The following SGIP1 variants were observed in gnomAD, a reference collection of about 807,000 sequenced individuals.
SGIP1 encodes the protein SH3-containing GRB2-like protein 3-interacting protein 1.
A neutral mutation model predicts 107.5 loss-of-function variants in SGIP1; 38 were observed. The observed-to-expected ratio is 0.35, with a 90% CI of 0.27 to 0.46. The LOEUF is 0.46. SGIP1 is among the 20% of genes least tolerant of loss of function. The pLI, the probability that SGIP1 is intolerant of heterozygous loss-of-function variation, is 1.00. For missense variants in SGIP1, 929 were observed against 1,019.5 expected (o/e 0.91, Z 1.21); for synonymous variants, 365 against 366.1 (o/e 1.00, Z 0.03).
chr1:66,682,745 C>A (rs553593078), intron 15 of SGIP1, among the ~76,000 whole-genome samples: 1 of 151,470 alleles, frequency 6.6e-6, no homozygotes, highest in South Asian at 2.1e-4. Flanking sequence ...CGGATGCCCC[C>A]ACAAGGACAC....
chr1:66,641,189 T>G (rs764405784), intron 5 of SGIP1, among the ~76,000 whole-genome samples: 2 of 151,956 alleles, frequency 1.3e-5, no homozygotes, highest in Non-Finnish European at 2.9e-5. Context: ...TTGCTAAGAG[T>G]TTAAGTGCTC....
At chr1:66,627,507 A>C (rs571517925) in intron 2 of SGIP1, among the ~76,000 whole-genome samples, 1 of 152,292 alleles carries the variant, frequency 6.6e-6, no homozygotes, top group African/African-American at 2.4e-5. Context: ...TTCCATAGGC[A>C]GTGGGCCACC....
chr1:66,547,769 C>G (rs1006671795), intron 1 of SGIP1, among the ~76,000 whole-genome samples: 1 of 151,926 alleles, frequency 6.6e-6, no homozygotes, highest in Non-Finnish European at 1.5e-5. Flanking sequence ...TCTCAGATTA[C>G]GGTAAAATCA....
chr1:66,672,080 T>C, intron 11 of SGIP1, 85 bp downstream of exon 11: 1 of 1,253,400 alleles, frequency 8.0e-7, no homozygotes, highest in Non-Finnish European at 1.2e-6. Context: ...AGCTAAACTC[T>C]CAGCTCCCAT....
chr1:66,596,323 G>A (rs1456906518), intron 1 of SGIP1, among the ~76,000 whole-genome samples: 1 of 152,150 alleles, frequency 6.6e-6, no homozygotes, highest in Non-Finnish European at 1.5e-5. Flanking sequence ...AGGGGATGCA[G>A]GGTGGGTGGG....
chr1:66,645,306 T>C (rs2077473409), intron 7 of SGIP1, among the ~76,000 whole-genome samples: 1 of 152,210 alleles, frequency 6.6e-6, no homozygotes, highest in Non-Finnish European at 1.5e-5. Flanking sequence ...ATTCCCTCTT[T>C]TGAATGGAAT....
chr1:66,706,879 A>T (rs770949370), intron 18 of SGIP1, among the ~76,000 whole-genome samples: 35 of 152,166 alleles, frequency 2.3e-4, no homozygotes, highest in Non-Finnish European at 4.1e-4. Context: ...TGACACTTCA[A>T]AGTATTTACA....
At chr1:66,614,663 A>G (rs939095135) in intron 1 of SGIP1, among the ~76,000 whole-genome samples, 5 of 152,114 alleles carry the variant, frequency 3.3e-5, no homozygotes, top group African/African-American at 1.2e-4. Context: ...GACTTCATAG[A>G]TCCTTATTCA....
At chr1:66,600,483 G>T (rs1216511324) in intron 1 of SGIP1, among the ~76,000 whole-genome samples, 2 of 152,188 alleles carry the variant, frequency 1.3e-5, no homozygotes, top group Non-Finnish European at 2.9e-5. Context: ...TCCACCTAAA[G>T]GATGCTACCA....
intron 1 of SGIP1, among the ~76,000 whole-genome samples, chr1:66,550,470 C>A (rs2057242126): frequency 6.6e-6 from 1 of 152,106 alleles, no homozygotes; most frequent in African/African-American, 2.4e-5. Context: ...CCAGAACAGC[C>A]CTAGATCTCT....
chr1:66,705,261 G>A (rs148465129), intron 18 of SGIP1, among the ~76,000 whole-genome samples: 2 of 152,254 alleles, frequency 1.3e-5, no homozygotes, highest in East Asian at 1.9e-4. Flanking sequence ...TCTTGCTGAC[G>A]CATATTCACA....
intron 15 of SGIP1, among the ~76,000 whole-genome samples, chr1:66,684,609 T>A (rs995694662): frequency 6.6e-6 from 1 of 152,190 alleles, no homozygotes; most frequent in Non-Finnish European, 1.5e-5. Flanking sequence ...CCCACTTCCC[T>A]CCAAGGGTAG....
At chr1:66,602,518 G>A (rs769125951) in intron 1 of SGIP1, among the ~76,000 whole-genome samples, 1 of 152,072 alleles carries the variant, frequency 6.6e-6, no homozygotes, top group Non-Finnish European at 1.5e-5. Flanking sequence ...GATTGTTATG[G>A]AGAACAAATG....
At chr1:66,635,906 T>G in intron 3 of SGIP1, 38 bp from the exon 4 acceptor site, 1 of 1,603,530 alleles carries the variant, frequency 6.2e-7, no homozygotes, top group Non-Finnish European at 8.5e-7. Context: ...AGCAGATCTT[T>G]TAACCACTTT....
chr1:66,559,180 A>G (rs1014659149), intron 1 of SGIP1, among the ~76,000 whole-genome samples: 1 of 151,940 alleles, frequency 6.6e-6, no homozygotes, highest in Non-Finnish European at 1.5e-5. Context: ...TGTTTAATAT[A>G]TATTCTGATG....
chr1:66,672,996 T>C (rs1271175889), intron 11 of SGIP1, among the ~76,000 whole-genome samples: 1 of 152,184 alleles, frequency 6.6e-6, no homozygotes, highest in Non-Finnish European at 1.5e-5. Context: ...TCATGATGCT[T>C]TGAAAGAGTT....
In SGIP1 at chr1:66,739,335, G is replaced by A. The variant is rs895091802; in HGVS notation, c.2032G>A (p.Val678Met). 1 of 1,607,008 alleles carries A rather than the reference G, an allele frequency of 6.2e-7. No homozygotes were observed. The highest frequency in any genetic ancestry group is 1.7e-5 in the Admixed American group (1 of 59,714). ...ATTTTCTTTCCTGTCGTTCGGCAAG[G>A]TGTCTGCCCAGGGCATTCAGTCCAC... is the stretch of plus-strand genomic sequence containing the variant. ...YYNVDMLKYQ[V>M]SAQGIQSTPL... The change falls in exon 22 of 25, where the codon GTG becomes ATG. Residue 678 changes from valine (V) to methionine (M), a missense_variant and splice_region_variant. This residue lies in a region of SGIP1 where 341 missense variants were observed against 430.9 expected (regional missense o/e 0.79). Transcript: ENST00000371037.
rs953738226 is a variant in SGIP1, at chr1:66,745,602, A to T, written c.*2507A>T. 4.6e-5 allele frequency: 7 copies of T among 152,210 alleles called. No homozygotes were observed. In the South Asian group the frequency reaches 1.5e-3, roughly 32 times the overall value. 9.4% of individuals were successfully genotyped at this position (152,210 alleles called of 1,614,324 possible). On this transcript the variant is annotated 3_prime_UTR_variant, in exon 25 of 25. Coordinates refer to ENST00000371037, the MANE Select transcript of SGIP1 (RefSeq NM_032291.4). ...CAAAGACATTAAGTCAGATTCATTTATTCATTTTATTCCCAAGTCAGAACA... is the reference window on the plus strand; with the variant it reads ...CAAAGACATTAAGTCAGATTCATTTTTTCATTTTATTCCCAAGTCAGAACA...
At chr1:66,685,643 C>A (rs1434402455) in intron 15 of SGIP1, among the ~76,000 whole-genome samples, 1 of 152,222 alleles carries the variant, frequency 6.6e-6, no homozygotes, top group African/African-American at 2.4e-5. Flanking sequence ...GTTGAATTAA[C>A]TGAATATATT....
Sources: gnomAD v4.1 joint callset for allele counts (sites outside exome capture counted in the v4.1 genomes callset) on GRCh38, gnomAD v4.1.1 for gene constraint, gnomAD v4.1.1 regional missense constraint, MANE v1.5 for transcripts, NCBI Gene and HGNC (gene_info 2026-07-23, HGNC 2026-07-21) for gene names.